The following MAP2K6 variants were observed in gnomAD, a reference collection of about 807,000 sequenced individuals.
MAP2K6 encodes dual specificity mitogen-activated protein kinase kinase 6.
A neutral mutation model predicts 53.7 loss-of-function variants in MAP2K6; 16 were observed. The ratio of observed to expected loss-of-function variants is 0.30; its 90% confidence interval spans 0.20 to 0.45. The LOEUF (loss-of-function observed/expected upper bound fraction) is 0.45. Ranked by LOEUF, MAP2K6 falls within the 20% of genes least tolerant of loss-of-function variation. The probability of loss-of-function intolerance (pLI) is 1.00; values close to 1 mark genes in which losing one functional copy is unlikely to be tolerated. For synonymous variants in MAP2K6, 132 were observed against 143.1 expected (o/e 0.92, Z 0.55); for missense variants, 204 against 411.9 (o/e 0.50, Z 4.37).
chr17:69,423,397 A>G (rs375135000), intron 1 of MAP2K6, among the ~76,000 whole-genome samples: 1 of 152,190 alleles, frequency 6.6e-6, no homozygotes, highest in African/African-American at 2.4e-5. Flanking sequence ...TGTCGAGTTG[A>G]GTAGTTGCGC....
intron 1 of MAP2K6, among the ~76,000 whole-genome samples, chr17:69,500,177 T>G (rs1909094653): frequency 6.6e-6 from 1 of 152,106 alleles, no homozygotes; most frequent in Non-Finnish European, 1.5e-5. Context: ...CTCACACCTG[T>G]AATCCCAGTA....
rs533994470 is a variant in MAP2K6, at chr17:69,453,043, G to A, written c.16+38043G>A. ...GCTAAGAAGCCAACACCATTTAAGC[G>A]TTGGGACGAAGTGACTCATGGAGAC... On this transcript the variant is annotated intron_variant, in intron 1 of 11. Transcript: ENST00000590474. Among the ~76,000 whole-genome samples, 9 of 152,296 alleles carry A rather than the reference G, an allele frequency of 5.9e-5. No homozygotes were observed. In the South Asian group the frequency reaches 1.2e-3, roughly 21 times the overall value.
intron 1 of MAP2K6, among the ~76,000 whole-genome samples, chr17:69,451,623 G>A (rs962767146): frequency 2.6e-5 from 4 of 152,210 alleles, no homozygotes; most frequent in Non-Finnish European, 5.9e-5. Context: ...AACAAAGCAG[G>A]TTTGGGCAAA....
At chr17:69,491,730 G>GTTATTA (rs55714549) in intron 1 of MAP2K6, among the ~76,000 whole-genome samples, 73,433 of 143,382 alleles carry the variant, frequency 0.51, 19,456 homozygotes, top group Middle Eastern at 0.6. Flanking sequence ...GCTGGCATCT[G>GTTATTA]TTATTATTAT....
At chr17:69,471,579 C>T (rs956754257) in intron 1 of MAP2K6, among the ~76,000 whole-genome samples, 3 of 152,094 alleles carry the variant, frequency 2.0e-5, no homozygotes, top group Non-Finnish European at 2.9e-5. Context: ...GTTCACTATT[C>T]GGGTGATGGG....
chr17:69,526,729 C>T lies in MAP2K6; in HGVS notation c.881+20C>T. 2 of 1,607,658 alleles carry T rather than the reference C, an allele frequency of 1.2e-6. No individual in the cohort carries two copies. The highest frequency in any genetic ancestry group is 1.7e-6 in the Non-Finnish European group (2 of 1,179,028). On this transcript the variant is annotated intron_variant, in intron 10 of 11. Coordinates refer to ENST00000590474, the MANE Select transcript of MAP2K6 (RefSeq NM_002758.4). ...ACAGTGGTAAGACAGCCTCACCTCC[C>T]AAGTGTCAGTGTGAAAGAAGAAGAT...
rs1204870661 is a variant in MAP2K6 at position 69,502,238 on chromosome 17, T to C, written c.17-3542T>C. 4.1e-6 allele frequency: 4 copies of C among 985,322 alleles called. No homozygotes were observed. The East Asian group carries it at 4.5e-4, about 112-fold the overall frequency. The allele number at this position is 985,322 out of a possible 1,614,324, so 61.0% of individuals were successfully genotyped here. A position where few individuals can be genotyped will look rare whatever the true frequency, so the allele number is the denominator to read the frequency against. ...TGCAGAGGTTTGCTGCAATCCGAAC[T>C]TGAGGAGGGGGTGGAGTCTGTTCAG... On this transcript the variant is annotated intron_variant, in intron 1 of 11. Transcript: ENST00000590474.
At position 69,436,135 on chromosome 17, in the gene MAP2K6, A is replaced by G. The variant is rs1906633803; in HGVS notation, c.16+21135A>G. 1.3e-5 allele frequency among the ~76,000 whole-genome samples: 2 copies of G among 152,176 alleles called. 1 individual carries two copies. The highest frequency in any genetic ancestry group is 2.9e-5 in the Non-Finnish European group (2 of 68,026). ...GTCCTCTGTAGAGATTTAGCTTTGGAAAGATAACAAGTTTGTAAATTAACA... is the reference window on the plus strand; with the variant it reads ...GTCCTCTGTAGAGATTTAGCTTTGGGAAGATAACAAGTTTGTAAATTAACA... On this transcript the variant is annotated intron_variant, in intron 1 of 11. Coordinates refer to ENST00000590474, the MANE Select transcript of MAP2K6 (RefSeq NM_002758.4).
chr17:69,416,519 C>A (rs982736622), intron 1 of MAP2K6, among the ~76,000 whole-genome samples: 1 of 152,128 alleles, frequency 6.6e-6, no homozygotes, highest in South Asian at 2.1e-4. Context: ...GGTAAACATT[C>A]GCTCATTCAT....
At position 69,449,531 on chromosome 17, in the gene MAP2K6, G is replaced by GTCTTTCTTTCTTTGTCTTTCTTTCTT. The variant is rs1555602226; in HGVS notation, c.16+34544_16+34545insGTCTTTCTTTCTTTCTTTCTTTCTTT. Among the ~76,000 whole-genome samples the GTCTTTCTTTCTTTGTCTTTCTTTCTT allele has an allele frequency of 8.7e-4, 90 of 103,378 alleles. 1 individual carries two copies. The highest frequency in any genetic ancestry group is 1.2e-3 in the Non-Finnish European group (63 of 54,366). The allele number at this position is 103,378 out of a possible 152,430, so 67.8% of individuals were successfully genotyped here. A position where few individuals can be genotyped will look rare whatever the true frequency, so the allele number is the denominator to read the frequency against. On this transcript the variant is annotated intron_variant, in intron 1 of 11. Transcript: ENST00000590474. ...TTTCTTTCTTTGTCTTTCTTTCTTT[G>GTCTTTCTTTCTTTGTCTTTCTTTCTT]TCTTTCTTTCTTTCTTTCTTTCTTT...
chr17:69,432,432 G>T (rs1042330010), intron 1 of MAP2K6, among the ~76,000 whole-genome samples: 1 of 152,158 alleles, frequency 6.6e-6, no homozygotes, highest in Non-Finnish European at 1.5e-5. Context: ...ACTGGATAAA[G>T]AAAATGTGGC....
At chr17:69,449,361 C>A (rs182523093) in intron 1 of MAP2K6, among the ~76,000 whole-genome samples, 6 of 151,730 alleles carry the variant, frequency 4.0e-5, no homozygotes, top group Admixed American at 3.3e-4. Flanking sequence ...ATACAGCAAG[C>A]AGGTGCTGTG....
intron 10 of MAP2K6, among the ~76,000 whole-genome samples, chr17:69,528,852 G>C (rs1431970368): frequency 1.0e-5 from 1 of 95,522 alleles, no homozygotes; most frequent in Non-Finnish European, 1.8e-5. Context: ...AGAGAGAGAC[G>C]CCATCTCAAA....
chr17:69,462,590 A>G (rs1907656394), intron 1 of MAP2K6, among the ~76,000 whole-genome samples: 1 of 152,030 alleles, frequency 6.6e-6, no homozygotes. Context: ...TGTATAGGCC[A>G]TGGATATTTT....
At chr17:69,435,715 A>G (rs1035127231) in intron 1 of MAP2K6, among the ~76,000 whole-genome samples, 2 of 151,864 alleles carry the variant, frequency 1.3e-5, no homozygotes, top group African/African-American at 2.4e-5. Flanking sequence ...TCTGTCGCCC[A>G]GGCTGGAGTG....
At position 69,509,461 on chromosome 17, in the gene MAP2K6, C is replaced by T. The variant is rs374836607; in HGVS notation, c.83+3615C>T. ...TTGATCTTGAATTCTGTGGATTCTG[C>T]AATTGATCTTCTATTCTGTGACTTT... On this transcript the variant is annotated intron_variant, in intron 2 of 11. Transcript: ENST00000590474. 5.3e-5 allele frequency among the ~76,000 whole-genome samples: 8 copies of T among 152,208 alleles called. No individual in the cohort carries two copies. In the East Asian group the frequency reaches 1.5e-3, roughly 29 times the overall value.
At chr17:69,493,846 G>T (rs1248788730) in intron 1 of MAP2K6, among the ~76,000 whole-genome samples, 1 of 152,040 alleles carries the variant, frequency 6.6e-6, no homozygotes, top group Non-Finnish European at 1.5e-5. Flanking sequence ...GACACCCCTT[G>T]TACCCTTGTA....
chr17:69,528,082 C>T (rs950461259), intron 10 of MAP2K6, among the ~76,000 whole-genome samples: 1 of 75,826 alleles, frequency 1.3e-5, no homozygotes, highest in African/African-American at 6.3e-5. Context: ...GCACTCCAGC[C>T]TGAGCAACAA....
chr17:69,520,387 G>A lies in MAP2K6; in HGVS notation c.483+1G>A. ...CATCTTAGGGAAAATAGCAGTTTCT[G>A]TGAGTACATTTTGATCCCTACTGCA... On this transcript the variant is annotated splice_donor_variant, in intron 6 of 11. Coordinates refer to ENST00000590474, the MANE Select transcript of MAP2K6 (RefSeq NM_002758.4). LOFTEE classifies it high-confidence loss of function. 6.4e-7 allele frequency: 1 copy of A among 1,556,036 alleles called. No homozygotes were observed. The highest frequency in any genetic ancestry group is 8.8e-7 in the Non-Finnish European group (1 of 1,133,166).
Sources: gnomAD v4.1 joint callset for allele counts (sites outside exome capture counted in the v4.1 genomes callset) on GRCh38, gnomAD v4.1.1 for gene constraint, MANE v1.5 for transcripts, NCBI Gene and HGNC (gene_info 2026-07-23, HGNC 2026-07-21) for gene names.